Variants in PROM1 observed in about 807,000 individuals in gnomAD.
PROM1 encodes prominin-1.
A neutral mutation model predicts 116.9 loss-of-function variants in PROM1; 105 were observed. The observed-to-expected ratio is 0.90, with a 90% CI of 0.77 to 1.06. The LOEUF is 1.06. Among genes scored for constraint, PROM1 ranks in the 50% least tolerant of loss-of-function variants. The pLI, the probability that PROM1 is intolerant of heterozygous loss-of-function variation, is 0.00. For missense variants in PROM1, 1,122 were observed against 1,045.2 expected (o/e 1.07, Z -1.01); for synonymous variants, 393 against 387.0 (o/e 1.02, Z -0.18).
intron 23 of PROM1, 123 bp from the exon 24 acceptor site, chr4:15,980,660 T>C (rs1717624842): frequency 1.5e-6 from 1 of 688,858 alleles, no homozygotes; most frequent in African/African-American, 1.8e-5. Flanking sequence ...TGTCATTTTG[T>C]TCTTTAAAAC....
chr4:16,065,046 A>G (rs1014961114), intron 2 of PROM1, among the ~76,000 whole-genome samples: 1 of 152,206 alleles, frequency 6.6e-6, no homozygotes, highest in African/African-American at 2.4e-5. Flanking sequence ...TAGTGTCCAA[A>G]TACACACAAG....
At chr4:16,003,937 C>T (rs1440044679) in intron 13 of PROM1, among the ~76,000 whole-genome samples, 2 of 152,302 alleles carry the variant, frequency 1.3e-5, no homozygotes, top group African/African-American at 4.8e-5. Context: ...AGAGACCATG[C>T]TCTTGATTGG....
At chr4:16,008,917 T>A in intron 12 of PROM1, 32 bp downstream of exon 12, 1 of 1,532,412 alleles carries the variant, frequency 6.5e-7, no homozygotes, top group East Asian at 2.3e-5. Flanking sequence ...AAGTTCACTC[T>A]CGTAGTTCAC....
chr4:16,059,699 C>T (rs968712889), intron 2 of PROM1, among the ~76,000 whole-genome samples: 2 of 152,058 alleles, frequency 1.3e-5, no homozygotes, highest in Non-Finnish European at 2.9e-5. Context: ...TCACTTAGTG[C>T]AAATTCATGA....
intron 9 of PROM1, among the ~76,000 whole-genome samples, chr4:16,017,697 T>C (rs1003370742): frequency 6.6e-6 from 1 of 152,272 alleles, no homozygotes; most frequent in African/African-American, 2.4e-5. Context: ...GGCGGGTGCC[T>C]GTAATCTCAG....
intron 2 of PROM1, among the ~76,000 whole-genome samples, chr4:16,041,785 AATAT>A (rs200674323): frequency 6.0e-3 from 227 of 37,618 alleles, no homozygotes; most frequent in African/African-American, 5.4e-3. Context: ...TAAATAAATA[AATAT>A]ATATATATAT....
chr4:16,019,775 T>C (rs913617826), intron 8 of PROM1, among the ~76,000 whole-genome samples: 1 of 152,094 alleles, frequency 6.6e-6, no homozygotes, highest in Non-Finnish European at 1.5e-5. Context: ...CAAGCTGCAA[T>C]TGGGTGTTTC....
intron 2 of PROM1, among the ~76,000 whole-genome samples, chr4:16,068,202 T>C (rs920702112): frequency 6.6e-6 from 1 of 152,186 alleles, no homozygotes; most frequent in African/African-American, 2.4e-5. Flanking sequence ...TGTTTTTGGT[T>C]ACCTTGGCTA....
At chr4:16,019,722 T>A (rs1729333176) in intron 8 of PROM1, among the ~76,000 whole-genome samples, 1 of 152,208 alleles carries the variant, frequency 6.6e-6, no homozygotes, top group African/African-American at 2.4e-5. Flanking sequence ...ATCTTCTTGG[T>A]CAGGTCTTCG....
chr4:15,990,605 T>C (rs1457590567), intron 18 of PROM1, among the ~76,000 whole-genome samples: 12 of 152,114 alleles, frequency 7.9e-5, no homozygotes, highest in Admixed American at 7.2e-4. Flanking sequence ...GCTAAAGTAG[T>C]GAGGGTGCCC....
chr4:16,016,912 G>A (rs1276400926), intron 9 of PROM1, among the ~76,000 whole-genome samples: 2 of 152,166 alleles, frequency 1.3e-5, no homozygotes, highest in Non-Finnish European at 2.9e-5. Flanking sequence ...GACAATAAAT[G>A]ACAATGTGTG....
At chr4:15,984,225 G>A (rs1718707147) in intron 23 of PROM1, 38 bp downstream of exon 23, 2 of 1,446,500 alleles carry the variant, frequency 1.4e-6, no homozygotes, top group African/African-American at 2.8e-5. Context: ...CAAAGATGAT[G>A]GATTCATTGT....
rs1174083733 is a variant in PROM1 at position 15,968,720 on chromosome 4, T to C, written c.*673A>G. On this transcript the variant is annotated 3_prime_UTR_variant, in exon 28 of 28. Transcript: ENST00000447510. ...TCAGATGGAGTTACGCAGGTTTCTC[T>C]ATGATTGCTTTTGCATGCCATTTCC... 1.3e-5 allele frequency: 2 copies of C among 152,266 alleles called. No individual in the cohort carries two copies. The highest frequency in any genetic ancestry group is 2.9e-5 in the Non-Finnish European group (2 of 68,044). 9.4% of individuals were successfully genotyped at this position (152,266 alleles called of 1,614,324 possible). A position where few individuals can be genotyped will look rare whatever the true frequency, so the allele number is the denominator to read the frequency against.
intron 11 of PROM1, among the ~76,000 whole-genome samples, chr4:16,012,560 C>T (rs1215360195): frequency 2.6e-5 from 4 of 152,086 alleles, no homozygotes; most frequent in Admixed American, 6.6e-5. Flanking sequence ...AATTCTTTTA[C>T]ACAGTATTCC....
At chr4:16,065,602 G>A (rs1037216776) in intron 2 of PROM1, among the ~76,000 whole-genome samples, 6 of 152,160 alleles carry the variant, frequency 3.9e-5, no homozygotes, top group East Asian at 3.9e-4. Context: ...GCCAAACAGC[G>A]TCAGGCTTGG....
At position 16,000,489 on chromosome 4, in the gene PROM1, T is replaced by C. The variant is rs771473951; in HGVS notation, c.1578+7A>G. The C allele has an allele frequency of 1.9e-6, 3 of 1,576,852 alleles. No homozygotes were observed. The African/African-American group carries it at 4.0e-5, about 21-fold the overall frequency. Reference sequence around the variant, plus strand: ...TCCTTTCATAATGGGTAGAAAATCATATTTACCCGGAATAATTCCTTGCTC... The same window carrying C: ...TCCTTTCATAATGGGTAGAAAATCACATTTACCCGGAATAATTCCTTGCTC... On this transcript the variant is annotated splice_region_variant and intron_variant, in intron 14 of 27. Transcript: ENST00000447510.
rs536110381 is a variant in PROM1, at chr4:16,043,391, T to A, written c.221-4390A>T. Among the ~76,000 whole-genome samples, 45 of 152,306 alleles carry A rather than the reference T, an allele frequency of 3.0e-4. 1 individual carries two copies. In the South Asian group the frequency reaches 7.0e-3, roughly 24 times the overall value. Reference sequence around the variant, plus strand: ...TGGAGTGCAGTGGTGCCATCATAGCTCACTGCAGCCTCAAACTCCTGGCCT... The same window carrying A: ...TGGAGTGCAGTGGTGCCATCATAGCACACTGCAGCCTCAAACTCCTGGCCT... On this transcript the variant is annotated intron_variant, in intron 2 of 27. Transcript: ENST00000447510.
At chr4:16,081,436 A>G (rs1234070580) in intron 1 of PROM1, among the ~76,000 whole-genome samples, 1 of 152,250 alleles carries the variant, frequency 6.6e-6, no homozygotes, top group Non-Finnish European at 1.5e-5. Context: ...AAGAAAACCT[A>G]GGCAATACCA....
rs774781154 is a variant in PROM1, at chr4:15,985,805, T to A, written c.2235A>T (p.Thr745=). ...GATAATGTTCAAAATATCCTATTAT[T>A]GTTCTCCCATACTTCTTAGTTTCCT... ...IIEETKKYGR[T]IIGYFEHYLQ... The change falls in exon 22 of 28, where the codon ACA becomes ACT. Residue 745 remains threonine, a synonymous_variant. Coordinates refer to ENST00000447510, the MANE Select transcript of PROM1 (RefSeq NM_006017.3). The A allele has an allele frequency of 6.3e-7, 1 of 1,575,846 alleles. No individual in the cohort carries two copies. Among genetic ancestry groups the A allele is most frequent in the Non-Finnish European group, 8.7e-7 (1 of 1,149,024 alleles).
Sources: gnomAD v4.1 joint callset for allele counts (sites outside exome capture counted in the v4.1 genomes callset) on GRCh38, gnomAD v4.1.1 for gene constraint, MANE v1.5 for transcripts, NCBI Gene and HGNC (gene_info 2026-07-23, HGNC 2026-07-21) for gene names.